UGDH: variants seen among roughly 807,000 people sequenced by gnomAD.
UGDH encodes the protein UDP-Glc dehydrogenase.
A neutral mutation model predicts 50.6 loss-of-function variants in UGDH; 38 were observed. The observed-to-expected ratio is 0.75, with a 90% CI of 0.58 to 0.98. The LOEUF (loss-of-function observed/expected upper bound fraction) is 0.98, where lower values mean the gene tolerates loss of function less well. Ranked by LOEUF, UGDH falls within the 50% of genes least tolerant of loss-of-function variation. The pLI is 0.00. For missense variants in UGDH, 465 were observed against 606.2 expected (o/e 0.77, Z 2.45); for synonymous variants, 168 against 199.9 (o/e 0.84, Z 1.35).
At chr4:39,513,976 TA>T in intron 3 of UGDH, 106 bp downstream of exon 3, 1 of 921,546 alleles carries the variant, frequency 1.1e-6, no homozygotes, top group Non-Finnish European at 1.7e-6. Context: ...AACTCTATAC[TA>T]AGCAATGTTG....
At chr4:39,504,364 C>G in intron 10 of UGDH, 53 bp downstream of exon 10, 3 of 1,529,398 alleles carry the variant, frequency 2.0e-6, no homozygotes, top group South Asian at 1.1e-5. Flanking sequence ...TCAACCCCAG[C>G]TGATAGTGGA....
Position 39,504,287 on chromosome 4 carries a change from G to C in UGDH, c.1263+130C>G, listed in dbSNP as rs569697327. The C allele has an allele frequency of 5.1e-6, 4 of 782,102 alleles. No homozygotes were observed. In the African/African-American group the frequency reaches 7.1e-5, roughly 14 times the overall value. The allele number at this position is 782,102 out of a possible 1,614,324, so 48.4% of individuals were successfully genotyped here. A position where few individuals can be genotyped will look rare whatever the true frequency, so the allele number is the denominator to read the frequency against. ...TGCGCCACTGCACTCCAGCCAGGGC[G>C]ACAGAGCGAGACTCCATCTCAAAAA... On this transcript the variant is annotated intron_variant, in intron 10 of 11. Coordinates refer to ENST00000316423, the MANE Select transcript of UGDH (RefSeq NM_003359.4).
chr4:39,511,316 A>G (rs1351397649), intron 3 of UGDH, among the ~76,000 whole-genome samples: 1 of 149,020 alleles, frequency 6.7e-6, no homozygotes, highest in African/African-American at 2.5e-5. Flanking sequence ...GCTAGAGTGC[A>G]GTAGTGTAAT....
At chr4:39,524,118 G>C (rs548932448) in intron 1 of UGDH, among the ~76,000 whole-genome samples, 1 of 152,144 alleles carries the variant, frequency 6.6e-6, no homozygotes, top group African/African-American at 2.4e-5. Flanking sequence ...GAATCTCAAA[G>C]TAATGTTGGA....
At chr4:39,516,569 C>G (rs1448623256) in intron 2 of UGDH, among the ~76,000 whole-genome samples, 1 of 152,136 alleles carries the variant, frequency 6.6e-6, no homozygotes, top group African/African-American at 2.4e-5. Context: ...GTTTAGAAAA[C>G]TATGTCTATA....
In UGDH at chr4:39,499,253, C is replaced by G. The variant is rs550898179; in HGVS notation, c.*890G>C. ...GAGAGAAAGAAATGCTACTAATTTT[C>G]TCTTCATGATTAAAAAAAAAATCTT... On this transcript the variant is annotated 3_prime_UTR_variant, in exon 12 of 12. Coordinates refer to ENST00000316423, the MANE Select transcript of UGDH (RefSeq NM_003359.4). The G allele has an allele frequency of 6.6e-6, 1 of 151,166 alleles. No individual in the cohort carries two copies. The highest frequency in any genetic ancestry group is 1.5e-5 in the Non-Finnish European group (1 of 67,878). 9.4% of individuals were successfully genotyped at this position (151,166 alleles called of 1,614,324 possible).
intron 5 of UGDH, 140 bp from the exon 6 acceptor site, chr4:39,510,047 G>T: frequency 9.8e-7 from 1 of 1,016,134 alleles, no homozygotes; most frequent in Non-Finnish European, 1.4e-6. Flanking sequence ...AGGAGACAAT[G>T]GATGGGTTAG....
chr4:39,503,090 T>C (rs1343985226), intron 11 of UGDH, among the ~76,000 whole-genome samples: 1 of 152,132 alleles, frequency 6.6e-6, no homozygotes, highest in Non-Finnish European at 1.5e-5. Flanking sequence ...CTAATTTTTG[T>C]ATTTTTAGTA....
At chr4:39,504,355 C>G in intron 10 of UGDH, 62 bp downstream of exon 10, 9 of 1,471,052 alleles carry the variant, frequency 6.1e-6, no homozygotes, top group Non-Finnish European at 8.6e-6. Context: ...AACACATACT[C>G]AACCCCAGCT....
chr4:39,514,823 C>T (rs1472827341), intron 2 of UGDH, among the ~76,000 whole-genome samples: 2 of 151,882 alleles, frequency 1.3e-5, no homozygotes, highest in African/African-American at 4.8e-5. Context: ...GCTGGGATTA[C>T]AGGCATGCAC....
At chr4:39,513,650 C>T (rs1404427627) in intron 3 of UGDH, among the ~76,000 whole-genome samples, 4 of 151,274 alleles carry the variant, frequency 2.6e-5, no homozygotes, top group Admixed American at 1.3e-4. Context: ...GATTCTCCTG[C>T]CTCAGCCTCT....
At chr4:39,525,041 A>T (rs918032926) in intron 1 of UGDH, among the ~76,000 whole-genome samples, 4 of 152,230 alleles carry the variant, frequency 2.6e-5, no homozygotes, top group African/African-American at 7.2e-5. Context: ...TGACAATGGG[A>T]GAATCAATGA....
rs935575746 is a variant in UGDH, at chr4:39,501,343, C to T, written c.1375-1090G>A. On this transcript the variant is annotated intron_variant, in intron 11 of 11. Transcript: ENST00000316423. ...AGGCTGGAGTGCAGTGGCGTGATCT[C>T]GGCTCACTGCAAGCTCTGCCTCCCG... Among the ~76,000 whole-genome samples the T allele has an allele frequency of 5.3e-5, 8 of 149,766 alleles. 1 individual carries two copies. Among genetic ancestry groups the T allele is most frequent in the South Asian group, 4.2e-4 (2 of 4,736 alleles).
At position 39,504,458 on chromosome 4, in the gene UGDH, C is replaced by T. The variant is rs776207068; in HGVS notation, c.1222G>A (p.Ala408Thr). 23 of 1,613,990 alleles carry T rather than the reference C, an allele frequency of 1.4e-5. No individual in the cohort carries two copies. The highest frequency in any genetic ancestry group is 4.0e-5 in the African/African-American group (3 of 74,898). ...TCAGTGCAAATAACAACAGCATGGGCACCATCACATGCTTCATATGGATCC... is the reference window on the plus strand; with the variant it reads ...TCAGTGCAAATAACAACAGCATGGGTACCATCACATGCTTCATATGGATCC... ...SKDPYEACDG[A>T]HAVVICTEWD... is the part of the protein sequence containing the mutation. The change falls in exon 10 of 12, where the codon GCC (alanine) becomes ACC (threonine). Residue 408 changes from alanine to threonine, a missense_variant. By Grantham distance (58) the Ala-to-Thr change is moderately conservative. Transcript: ENST00000316423.
Position 39,521,528 on chromosome 4 carries a change from A to C in UGDH, c.-7-9T>G, listed in dbSNP as rs755687442. 5.5e-5 allele frequency: 87 copies of C among 1,576,890 alleles called. No individual in the cohort carries two copies. The highest frequency in any genetic ancestry group is 7.0e-5 in the Non-Finnish European group (81 of 1,162,016). ...TTTCAAACATGATTGTACTAGAAGG[A>C]AAACAGTAAGACTGTTCTAGTATTG... On this transcript the variant is annotated splice_polypyrimidine_tract_variant and intron_variant, in intron 1 of 11. Coordinates refer to ENST00000316423, the MANE Select transcript of UGDH (RefSeq NM_003359.4).
rs1203845646 is a variant in UGDH, at chr4:39,499,032, A to G, written c.*1111T>C. On this transcript the variant is annotated 3_prime_UTR_variant, in exon 12 of 12. Coordinates refer to ENST00000316423, the MANE Select transcript of UGDH (RefSeq NM_003359.4). ...AAAAAAGCAGACAGAAAACAAAAAA[A>G]ATTCTTATTTTAGAATGATGCTATA... 1.3e-5 allele frequency: 2 copies of G among 152,192 alleles called. No individual in the cohort carries two copies. The highest frequency in any genetic ancestry group is 4.8e-5 in the African/African-American group (2 of 41,456). The allele number at this position is 152,192 out of a possible 1,614,324, so 9.4% of individuals were successfully genotyped here.
rs141262791 is a variant in UGDH, at chr4:39,521,959, C to T, written c.-7-440G>A. Among the ~76,000 whole-genome samples, 534 of 152,032 alleles carry T rather than the reference C, an allele frequency of 3.5e-3. 1 individual carries two copies. Among genetic ancestry groups the T allele is most frequent in the Admixed American group, 7.5e-3 (115 of 15,256 alleles). On this transcript the variant is annotated intron_variant, in intron 1 of 11. Coordinates refer to ENST00000316423, the MANE Select transcript of UGDH (RefSeq NM_003359.4). ...ATGAGTTTATAACAGGTTTAGATTACGATGATATAGAATAAGATTAGTTCC... is the reference window on the plus strand; with the variant it reads ...ATGAGTTTATAACAGGTTTAGATTATGATGATATAGAATAAGATTAGTTCC...
At chr4:39,510,614 A>G in intron 4 of UGDH, 47 bp downstream of exon 4, 1 of 1,614,020 alleles carries the variant, frequency 6.2e-7, no homozygotes, top group Non-Finnish European at 8.5e-7. Flanking sequence ...TTAACACATC[A>G]GTATTTACAT....
chr4:39,505,658 T>G lies in UGDH; in HGVS notation c.997A>C (p.Ile333Leu), dbSNP rs755687279. The change falls in exon 8 of 12, where the codon ATT becomes CTT. Residue 333 changes from isoleucine (I) to leucine (L), a missense_variant. By Grantham distance (5) the Ile-to-Leu change is conservative. Transcript: ENST00000316423. The stretch of plus-strand genomic sequence containing the variant: ...TCCTTTTTGAATGCAAATCCCAAAA[T>G]AGCTATCTTCTTATCAGTTACTGTA... Reference protein sequence around the residue: ...FNTVTDKKIAILGFAFKKDTG... With the variant: ...FNTVTDKKIALLGFAFKKDTG... 1.2e-6 allele frequency: 2 copies of G among 1,608,246 alleles called. No homozygotes were observed. Among genetic ancestry groups the G allele is most frequent in the Admixed American group, 3.4e-5 (2 of 59,274 alleles).
Sources: gnomAD v4.1 joint callset for allele counts (sites outside exome capture counted in the v4.1 genomes callset) on GRCh38, gnomAD v4.1.1 for gene constraint, MANE v1.5 for transcripts, NCBI Gene and HGNC (gene_info 2026-07-23, HGNC 2026-07-21) for gene names.